Variants in PCDHGA2 observed in about 807,000 individuals in gnomAD.
The protein encoded by PCDHGA2 is protocadherin gamma-A2.
Under a neutral mutation model 59.2 loss-of-function variants are expected in PCDHGA2, and 40 were observed. That is an observed-to-expected ratio of 0.68 (90% CI 0.52 to 0.88). The LOEUF (loss-of-function observed/expected upper bound fraction) is 0.88, where lower values mean the gene tolerates loss of function less well. PCDHGA2 is among the 40% of genes least tolerant of loss of function. The pLI, the probability that PCDHGA2 is intolerant of heterozygous loss-of-function variation, is 0.00. For missense variants in PCDHGA2, 1,226 were observed against 1,204.0 expected, an observed-to-expected ratio of 1.02 and a Z score of -0.27; for synonymous variants, 560 against 526.0, an observed-to-expected ratio of 1.06 and a Z score of -0.89.
intron 1 of PCDHGA2, chr5:141,366,358 C>T (rs746214325): frequency 6.2e-7 from 1 of 1,614,016 alleles, no homozygotes; most frequent in South Asian, 1.1e-5. Context: ...CTGACCTAGG[C>T]AGTATCAAGA....
At chr5:141,455,208 A>G (rs1450523873) in intron 1 of PCDHGA2, among the ~76,000 whole-genome samples, 1 of 151,996 alleles carries the variant, frequency 6.6e-6, no homozygotes, top group Non-Finnish European at 1.5e-5. Context: ...AACCAATAAG[A>G]GTTTTTAATG....
intron 2 of PCDHGA2, among the ~76,000 whole-genome samples, chr5:141,502,866 C>CTCTTTTTTT (rs1554188502): frequency 7.8e-6 from 1 of 128,046 alleles, no homozygotes; most frequent in African/African-American, 3.1e-5. Context: ...GACTCTCTGT[C>CTCTTTTTTT]TTTTTTTTTT....
intron 1 of PCDHGA2, chr5:141,342,420 G>A (rs1757158722): frequency 6.6e-6 from 1 of 152,140 alleles, no homozygotes; most frequent in African/African-American, 2.4e-5. Context: ...GCACACTAAT[G>A]TTCTATGTAA....
At chr5:141,403,010 C>G in intron 1 of PCDHGA2, 1 of 1,614,058 alleles carries the variant, frequency 6.2e-7, no homozygotes, top group Non-Finnish European at 8.5e-7. Flanking sequence ...ATGCTCGCTC[C>G]TGGGGATGCT....
At chr5:141,416,846 A>G (rs1412860680) in intron 1 of PCDHGA2, 2 of 152,120 alleles carry the variant, frequency 1.3e-5, no homozygotes, top group Non-Finnish European at 2.9e-5. Flanking sequence ...TTATAATTCC[A>G]TGATTTTTTT....
intron 1 of PCDHGA2, chr5:141,370,622 C>T: frequency 1.9e-6 from 3 of 1,613,902 alleles, no homozygotes; most frequent in Non-Finnish European, 2.5e-6. Context: ...AATTCTTTAC[C>T]GTGAGCCCCG....
At chr5:141,458,854 T>G (rs2098955098) in intron 1 of PCDHGA2, among the ~76,000 whole-genome samples, 1 of 152,182 alleles carries the variant, frequency 6.6e-6, no homozygotes, top group South Asian at 2.1e-4. Flanking sequence ...CACCTCAGCC[T>G]TCCAAGTAGC....
At chr5:141,412,906 T>G in intron 1 of PCDHGA2, 1 of 384,208 alleles carries the variant, frequency 2.6e-6, no homozygotes, top group Non-Finnish European at 4.6e-6. Context: ...TTCCATTGCA[T>G]GTATCACTTG....
chr5:141,502,864 G>T (rs1595824348), intron 2 of PCDHGA2, among the ~76,000 whole-genome samples: 4 of 61,548 alleles, frequency 6.5e-5, no homozygotes, highest in African/African-American at 2.4e-4. Flanking sequence ...CTGACTCTCT[G>T]TCTTTTTTTT....
chr5:141,371,379 G>C, intron 1 of PCDHGA2: 1 of 1,613,974 alleles, frequency 6.2e-7, no homozygotes, highest in Non-Finnish European at 8.5e-7. Context: ...ACATCACACT[G>C]CATATTGTAA....
chr5:141,470,791 A>G (rs1234712958), intron 1 of PCDHGA2, among the ~76,000 whole-genome samples: 3 of 152,152 alleles, frequency 2.0e-5, no homozygotes, highest in African/African-American at 7.2e-5. Context: ...GGGCTCAAGC[A>G]ATCCTCCCAC....
chr5:141,485,687 C>T lies in PCDHGA2; in HGVS notation c.2425-9120C>T. 1 of 1,614,066 alleles carries T rather than the reference C, an allele frequency of 6.2e-7. No individual in the cohort carries two copies. Among genetic ancestry groups the T allele is most frequent in the Non-Finnish European group, 8.5e-7 (1 of 1,179,966 alleles). ...GAGCAATTCGATTAGCAGCTATAGG[C>T]TGAGCTCCAATGAACACTTTGCACT... On this transcript the variant is annotated intron_variant, in intron 1 of 3. Transcript: ENST00000394576. The surrounding 1 kb of genome is among the most constrained non-coding windows in gnomAD (Gnocchi z 5.7).
chr5:141,392,826 C>T, intron 1 of PCDHGA2: 1 of 1,601,188 alleles, frequency 6.2e-7, no homozygotes, highest in Non-Finnish European at 8.5e-7. Context: ...GGCCGCTCCA[C>T]AGAGTCGCCC....
chr5:141,409,183 C>G (rs1217234895), intron 1 of PCDHGA2: 6 of 1,614,028 alleles, frequency 3.7e-6, no homozygotes, highest in Non-Finnish European at 5.1e-6. Context: ...GAGGTGGTCT[C>G]TCTACCCAGT....
intron 1 of PCDHGA2, chr5:141,479,325 A>C (rs2099492835): frequency 6.6e-6 from 1 of 152,648 alleles, no homozygotes; most frequent in South Asian, 2.1e-4. Context: ...AGCCAGACTC[A>C]GTGGTGTGCA....
At position 141,394,297 on chromosome 5, in the gene PCDHGA2, C is replaced by T. The variant is rs375160983; in HGVS notation, c.2424+52902C>T. 8.1e-6 allele frequency: 13 copies of T among 1,613,872 alleles called. No homozygotes were observed. Among genetic ancestry groups the T allele is most frequent in the African/African-American group, 1.3e-5 (1 of 74,926 alleles). ...GTCACTTACTCTGTGACCGAGGACA[C>T]GCTGCAGGGGGCGCCCCTGTCCTCG... On this transcript the variant is annotated intron_variant, in intron 1 of 3. Coordinates refer to ENST00000394576, the MANE Select transcript of PCDHGA2 (RefSeq NM_018915.4).
intron 2 of PCDHGA2, among the ~76,000 whole-genome samples, chr5:141,501,907 G>T (rs4912761): frequency 0.59 from 89,145 of 151,782 alleles, 27,774 homozygotes; most frequent in African/African-American, 0.8. Context: ...CAACCCCACT[G>T]TTCCACTCAG....
At chr5:141,427,499 T>C in intron 1 of PCDHGA2, 2 of 571,516 alleles carry the variant, frequency 3.5e-6, no homozygotes, top group Non-Finnish European at 3.3e-6. Flanking sequence ...TTGTAACAGA[T>C]GGGACCCTGG....
chr5:141,431,879 C>T lies in PCDHGA2; in HGVS notation c.2425-62928C>T. 1 of 1,614,162 alleles carries T rather than the reference C, an allele frequency of 6.2e-7. No individual in the cohort carries two copies. The highest frequency in any genetic ancestry group is 8.5e-7 in the Non-Finnish European group (1 of 1,179,970). ...AATTGCCCTTTTAAATGTAAATGAC[C>T]AAGATTCTGAGGAAAACGGACAGGT... On this transcript the variant is annotated intron_variant, in intron 1 of 3. Coordinates refer to ENST00000394576, the MANE Select transcript of PCDHGA2 (RefSeq NM_018915.4). The surrounding 1 kb of genome is among the most constrained non-coding windows in gnomAD (Gnocchi z 4.8).
Sources: gnomAD v4.1 joint callset for allele counts (sites outside exome capture counted in the v4.1 genomes callset) on GRCh38, gnomAD v4.1.1 for gene constraint, Gnocchi (gnomAD v3.1) non-coding constraint, MANE v1.5 for transcripts, NCBI Gene and HGNC (gene_info 2026-07-23, HGNC 2026-07-21) for gene names.